Variants in DOCK1 observed in about 807,000 individuals in gnomAD.
DOCK1 encodes the protein dedicator of cytokinesis 1, also known as dedicator of cytokinesis protein 1.
DOCK1 carries 138 observed loss-of-function variants against 262.7 expected under a neutral mutation model. The observed-to-expected ratio is 0.53, with a 90% confidence interval of 0.46 to 0.61. The LOEUF is 0.61. Among genes scored for constraint, DOCK1 ranks in the 20% least tolerant of loss-of-function variants. DOCK1 has a pLI of 0.00. For missense variants in DOCK1, 1,908 were observed against 2,370.7 expected (o/e 0.80, Z 4.05); for synonymous variants, 866 against 867.4 (o/e 1.00, Z 0.03).
chr10:127,404,306 T>C lies in DOCK1; in HGVS notation c.4018-19T>C, dbSNP rs751463533. The stretch of plus-strand genomic sequence containing the variant: ...CTTGAATACTCAAACCTGAAATGCA[T>C]TTTCTTTTTTCCTTCCAGAAAAAAC... On this transcript the variant is annotated intron_variant, in intron 39 of 51. Transcript: ENST00000623213. 2.1e-5 allele frequency: 33 copies of C among 1,605,794 alleles called. No homozygotes were observed. The highest frequency in any genetic ancestry group is 2.7e-5 in the Non-Finnish European group (32 of 1,175,290).
At chr10:127,146,067 C>T (rs753106569) in intron 27 of DOCK1, 12 of 516,604 alleles carry the variant, frequency 2.3e-5, no homozygotes, top group East Asian at 1.7e-4. Context: ...GCCAGGACTG[C>T]GTCCCGTATT....
At chr10:126,973,338 C>T (rs191658272) in intron 2 of DOCK1, among the ~76,000 whole-genome samples, 31 of 151,970 alleles carry the variant, frequency 2.0e-4, no homozygotes, top group African/African-American at 6.5e-4. Flanking sequence ...AAGGGATTCT[C>T]CTGCCTCAGC....
intron 27 of DOCK1, among the ~76,000 whole-genome samples, chr10:127,189,349 C>T (rs1174653658): frequency 1.3e-5 from 2 of 152,176 alleles, no homozygotes; most frequent in African/African-American, 2.4e-5. Flanking sequence ...CAGTAGTTGA[C>T]CTGCCCAGTG....
Position 126,910,008 on chromosome 10 carries a change from AATG to A in DOCK1, c.46+4448_46+4450del, listed in dbSNP as rs568770820. 1.1e-3 allele frequency among the ~76,000 whole-genome samples: 172 copies of A among 152,346 alleles called. 1 individual carries two copies. The highest frequency in any genetic ancestry group is 4.0e-3 in the African/African-American group (166 of 41,576). ...GCGTGCCTTCACATTAGCTCTAAGC[AATG>A]ATAATTGCTAGGAATAGTGTGATAT... On this transcript the variant is annotated intron_variant, in intron 1 of 51. Coordinates refer to ENST00000623213, the MANE Select transcript of DOCK1 (RefSeq NM_001290223.2).
At chr10:126,917,054 G>A (rs929837736) in intron 1 of DOCK1, among the ~76,000 whole-genome samples, 1 of 151,134 alleles carries the variant, frequency 6.6e-6, no homozygotes, top group African/African-American at 2.4e-5. Flanking sequence ...GAGGCCAGCG[G>A]TGTTTCAGAA....
At chr10:127,434,626 C>T (rs180701280) in intron 48 of DOCK1, among the ~76,000 whole-genome samples, 1 of 152,078 alleles carries the variant, frequency 6.6e-6, no homozygotes, top group Non-Finnish European at 1.5e-5. Flanking sequence ...TCTTTCCCCC[C>T]ACCCCTGACA....
Position 127,338,994 on chromosome 10 carries a change from T to G in DOCK1, c.3045-12T>G. 1 of 1,568,388 alleles carries G rather than the reference T, an allele frequency of 6.4e-7. No homozygotes were observed. Among genetic ancestry groups the G allele is most frequent in the Non-Finnish European group, 8.6e-7 (1 of 1,156,606 alleles). ...AAGTGTGTAATTATGTAATTTTCTCTTGATCTTTCAGAGTCTTCCTGCGAG... is the reference window on the plus strand; with the variant it reads ...AAGTGTGTAATTATGTAATTTTCTCGTGATCTTTCAGAGTCTTCCTGCGAG... On this transcript the variant is annotated splice_polypyrimidine_tract_variant and intron_variant, in intron 29 of 51. Transcript: ENST00000623213.
At position 127,278,306 on chromosome 10, in the gene DOCK1, G is replaced by A. The variant is rs115275179; in HGVS notation, c.3044+20877G>A. On this transcript the variant is annotated intron_variant, in intron 29 of 51. Coordinates refer to ENST00000623213, the MANE Select transcript of DOCK1 (RefSeq NM_001290223.2). ...CCCAGCCAAGAGACCGTTAGCATGC[G>A]GTACAGTAAGGCAGCCACTCATTAA... Among the ~76,000 whole-genome samples, 495 of 151,642 alleles carry A rather than the reference G, an allele frequency of 3.3e-3. 2 individuals are homozygous for A. The highest frequency in any genetic ancestry group is 0.01 in the African/African-American group (427 of 41,370).
At chr10:127,130,903 T>G (rs1414654201) in intron 27 of DOCK1, among the ~76,000 whole-genome samples, 1 of 152,214 alleles carries the variant, frequency 6.6e-6, no homozygotes, top group Non-Finnish European at 1.5e-5. Context: ...AGGACTGAGC[T>G]GCTCCTAGAT....
At chr10:127,038,741 C>T (rs969376696) in intron 19 of DOCK1, among the ~76,000 whole-genome samples, 2 of 97,630 alleles carry the variant, frequency 2.0e-5, no homozygotes, top group African/African-American at 7.6e-5. Flanking sequence ...ATTACATGGC[C>T]GGAGGTCCTG....
chr10:127,233,696 C>T, intron 27 of DOCK1, among the ~76,000 whole-genome samples: 1 of 152,194 alleles, frequency 6.6e-6, no homozygotes, highest in East Asian at 1.9e-4. Context: ...CACAGTGTGC[C>T]TTCGCAAAGG....
chr10:127,240,652 C>T, intron 27 of DOCK1, among the ~76,000 whole-genome samples: 1 of 152,214 alleles, frequency 6.6e-6, no homozygotes, highest in East Asian at 1.9e-4. Flanking sequence ...CCTCTGTCCT[C>T]ATTTTACAAC....
chr10:127,042,933 A>C, intron 20 of DOCK1, 131 bp from the exon 21 acceptor site: 4 of 847,274 alleles, frequency 4.7e-6, no homozygotes, highest in Non-Finnish European at 7.3e-6. Flanking sequence ...GAAAAGGTAA[A>C]CTAGCCACCA....
intron 30 of DOCK1, among the ~76,000 whole-genome samples, 188 bp downstream of exon 30, chr10:127,339,272 G>A (rs1010363499): frequency 2.0e-5 from 3 of 152,076 alleles, no homozygotes; most frequent in East Asian, 3.9e-4. Flanking sequence ...TGGAGTATTC[G>A]CTTAATTTAG....
intron 29 of DOCK1, among the ~76,000 whole-genome samples, chr10:127,292,148 C>T (rs562665494): frequency 1.3e-5 from 2 of 152,192 alleles, no homozygotes; most frequent in Non-Finnish European, 2.9e-5. Context: ...CAGTTTTTAC[C>T]ATTTGCACTT....
chr10:126,975,564 A>G (rs1322812883), intron 2 of DOCK1, among the ~76,000 whole-genome samples: 1 of 151,634 alleles, frequency 6.6e-6, no homozygotes, highest in Non-Finnish European at 1.5e-5. Flanking sequence ...CTCTTCATAC[A>G]TGTTGAGGTC....
At chr10:127,049,708 C>T (rs568747830) in intron 21 of DOCK1, among the ~76,000 whole-genome samples, 46 of 151,526 alleles carry the variant, frequency 3.0e-4, no homozygotes, top group African/African-American at 1.1e-3. Flanking sequence ...AATGAAAATT[C>T]TGTATGCTTT....
intron 1 of DOCK1, among the ~76,000 whole-genome samples, chr10:126,954,001 G>A (rs1045194358): frequency 1.9e-3 from 288 of 152,288 alleles, no homozygotes; most frequent in Non-Finnish European, 2.6e-3. Context: ...TGTCGTGGGC[G>A]CTTTCTGGGC....
intron 1 of DOCK1, among the ~76,000 whole-genome samples, chr10:126,946,650 A>T (rs1933571256): frequency 6.6e-6 from 1 of 152,220 alleles, no homozygotes; most frequent in Non-Finnish European, 1.5e-5. Context: ...GGAGCCACAT[A>T]GGAACGGAAT....
Sources: gnomAD v4.1 joint callset for allele counts (sites outside exome capture counted in the v4.1 genomes callset) on GRCh38, gnomAD v4.1.1 for gene constraint, MANE v1.5 for transcripts, NCBI Gene and HGNC (gene_info 2026-07-23, HGNC 2026-07-21) for gene names.